ELAVL4: variants seen among roughly 807,000 people sequenced by gnomAD.
ELAVL4 encodes ELAV-like protein 4.
In ELAVL4, 1 loss-of-function variant was observed where a neutral mutation model predicts 35.6. The ratio of observed to expected loss-of-function variants is 0.03; its 90% CI spans 0.01 to 0.13. The LOEUF (loss-of-function observed/expected upper bound fraction) is 0.13, where lower values mean the gene tolerates loss of function less well. Ranked by LOEUF, ELAVL4 falls within the 10% of genes least tolerant of loss-of-function variation. ELAVL4 has a pLI of 1.00. For synonymous variants in ELAVL4, 156 were observed against 171.0 expected, an observed-to-expected ratio of 0.91 and a Z score of 0.69; for missense variants, 267 against 464.9, an observed-to-expected ratio of 0.57 and a Z score of 3.91.
At chr1:50,111,514 T>C (rs1667073918) in intron 1 of ELAVL4, among the ~76,000 whole-genome samples, 1 of 152,152 alleles carries the variant, frequency 6.6e-6, no homozygotes, top group Non-Finnish European at 1.5e-5. Flanking sequence ...CGGATGTTGA[T>C]ACTATAGTTT....
intron 1 of ELAVL4, among the ~76,000 whole-genome samples, chr1:50,097,707 A>C (rs1424226577): frequency 6.6e-6 from 1 of 152,134 alleles, no homozygotes; most frequent in African/African-American, 2.4e-5. Context: ...TACACATGCA[A>C]ATGTGTACAA....
At chr1:50,157,299 C>T (rs764840073) in intron 2 of ELAVL4, among the ~76,000 whole-genome samples, 1 of 152,024 alleles carries the variant, frequency 6.6e-6, no homozygotes, top group Non-Finnish European at 1.5e-5. Context: ...ACTTTTCGCA[C>T]CTTTCTGTGT....
intron 1 of ELAVL4, among the ~76,000 whole-genome samples, chr1:50,098,501 G>A (rs1400347851): frequency 1.3e-5 from 2 of 152,160 alleles, no homozygotes; most frequent in African/African-American, 4.8e-5. Context: ...ATAAGCACTT[G>A]TAGCAAATAA....
intron 2 of ELAVL4, among the ~76,000 whole-genome samples, chr1:50,145,634 G>T (rs989922765): frequency 6.6e-6 from 1 of 152,164 alleles, no homozygotes; most frequent in African/African-American, 2.4e-5. Flanking sequence ...GTGGATGTGT[G>T]GACAGTTGAC....
intron 1 of ELAVL4, among the ~76,000 whole-genome samples, chr1:50,133,007 T>G (rs1173998916): frequency 2.0e-5 from 3 of 152,182 alleles, no homozygotes; most frequent in Non-Finnish European, 4.4e-5. Flanking sequence ...ATACATTTTC[T>G]CACATTATAA....
rs1644383458 is a variant in ELAVL4, at chr1:50,201,296, C to A, written c.*118C>A. 1 of 1,272,458 alleles carries A rather than the reference C, an allele frequency of 7.9e-7. No individual in the cohort carries two copies. The highest frequency in any genetic ancestry group is 1.0e-6 in the Non-Finnish European group (1 of 963,538). The allele number at this position is 1,272,458 out of a possible 1,614,324, so 78.8% of individuals were successfully genotyped here. A position where few individuals can be genotyped will look rare whatever the true frequency, so the allele number is the denominator to read the frequency against. ...CAAACTTTTCAAGGCTTATATTCAA[C>A]CATGGACTTTATAAGCCAGTGTTGC... On this transcript the variant is annotated 3_prime_UTR_variant, in exon 7 of 7. Transcript: ENST00000371824. The surrounding 1 kb of genome is among the most constrained non-coding windows in gnomAD (Gnocchi z 4.3).
At chr1:50,148,637 G>A (rs542125435) in intron 2 of ELAVL4, among the ~76,000 whole-genome samples, 1 of 152,266 alleles carries the variant, frequency 6.6e-6, no homozygotes, top group South Asian at 2.1e-4. Flanking sequence ...GTGTACAGCC[G>A]TGACACATCA....
At chr1:50,054,860 C>T (rs751072099) in intron 1 of ELAVL4, among the ~76,000 whole-genome samples, 8 of 152,144 alleles carry the variant, frequency 5.3e-5, no homozygotes, top group East Asian at 1.9e-4. Context: ...TCAGCCAATA[C>T]GGAGCACTTA....
chr1:50,090,313 T>G (rs1398595724), intron 1 of ELAVL4, among the ~76,000 whole-genome samples: 2 of 152,298 alleles, frequency 1.3e-5, no homozygotes, highest in African/African-American at 4.8e-5. Context: ...TTCCTCTGCA[T>G]TCTCACACTA....
intron 1 of ELAVL4, among the ~76,000 whole-genome samples, chr1:50,075,094 C>G (rs1405207387): frequency 1.3e-5 from 2 of 152,196 alleles, no homozygotes. Flanking sequence ...AATGGAATAA[C>G]AAGGAAGTGA....
intron 2 of ELAVL4, among the ~76,000 whole-genome samples, chr1:50,170,847 A>G (rs1678869615): frequency 6.6e-6 from 1 of 152,150 alleles, no homozygotes; most frequent in Non-Finnish European, 1.5e-5. Flanking sequence ...AGGCTGAGCA[A>G]CAAAACAAGA....
intron 1 of ELAVL4, among the ~76,000 whole-genome samples, chr1:50,062,214 G>A (rs1356980541): frequency 6.6e-6 from 1 of 152,140 alleles, no homozygotes; most frequent in Admixed American, 6.6e-5. Flanking sequence ...ACAATCTTGT[G>A]GAGAAAACAA....
chr1:50,090,446 C>T (rs1174725579), intron 1 of ELAVL4, among the ~76,000 whole-genome samples: 1 of 151,912 alleles, frequency 6.6e-6, no homozygotes, highest in Non-Finnish European at 1.5e-5. Context: ...GACACTTAGT[C>T]TAGTATTGCA....
At chr1:50,163,579 C>A (rs186039103) in intron 2 of ELAVL4, among the ~76,000 whole-genome samples, 1 of 152,176 alleles carries the variant, frequency 6.6e-6, no homozygotes, top group Non-Finnish European at 1.5e-5. Context: ...GTAATACCAG[C>A]ACTTTGGGAG....
chr1:50,073,522 A>C (rs1664625312), intron 1 of ELAVL4, among the ~76,000 whole-genome samples: 1 of 152,158 alleles, frequency 6.6e-6, no homozygotes, highest in Admixed American at 6.5e-5. Context: ...AAGATGCTAA[A>C]TAAGGATTCG....
In ELAVL4 at chr1:50,201,531, C is replaced by A. The variant is rs1644394572; in HGVS notation, c.*353C>A. 2 of 155,594 alleles carry A rather than the reference C, an allele frequency of 1.3e-5. No individual in the cohort carries two copies. Among genetic ancestry groups the A allele is most frequent in the Non-Finnish European group, 2.8e-5 (2 of 70,656 alleles). 9.6% of individuals were successfully genotyped at this position (155,594 alleles called of 1,614,324 possible). ...TTTACTACCTTCCTTGAAGGTGGATCTTTTTAAGATGACCATTCGCTCATT... is the reference window on the plus strand; with the variant it reads ...TTTACTACCTTCCTTGAAGGTGGATATTTTTAAGATGACCATTCGCTCATT... On this transcript the variant is annotated 3_prime_UTR_variant, in exon 7 of 7. Coordinates refer to ENST00000371824, the MANE Select transcript of ELAVL4 (RefSeq NM_001144774.3). The surrounding 1 kb of genome is among the most constrained non-coding windows in gnomAD (Gnocchi z 4.3).
Position 50,109,015 on chromosome 1 carries a change from T to TCGGGGGGGGGGGGGGGGG in ELAVL4, c.-174_-173insGGGGGGGGGGGGGGGGGC. On this transcript the variant is annotated 5_prime_UTR_variant, in exon 1 of 7. Transcript: ENST00000371824. ...GCTCCTTTTCTTTTTTTTCTTTCTC[T>TCGGGGGGGGGGGGGGGGG]CCCCCGCCCACCCCCCCAAAAATAA... 2 of 961,054 alleles carry TCGGGGGGGGGGGGGGGGG rather than the reference T, an allele frequency of 2.1e-6. No individual in the cohort carries two copies. The highest frequency in any genetic ancestry group is 2.4e-6 in the Non-Finnish European group (2 of 816,934). 59.5% of individuals were successfully genotyped at this position (961,054 alleles called of 1,614,324 possible). A position where few individuals can be genotyped will look rare whatever the true frequency, so the allele number is the denominator to read the frequency against.
chr1:50,103,888 C>T, upstream of ELAVL4: 2 of 1,606,432 alleles, frequency 1.2e-6, no homozygotes, highest in Non-Finnish European at 1.7e-6. Context: ...TTCGGAGGGA[C>T]TGGTGTGAAG....
intron 2 of ELAVL4, among the ~76,000 whole-genome samples, chr1:50,154,824 A>G (rs960394624): frequency 4.6e-5 from 7 of 151,210 alleles, no homozygotes; most frequent in East Asian, 1.9e-4. Context: ...GTTTTTTGAC[A>G]TGTCACTTTG....
Sources: gnomAD v4.1 joint callset for allele counts (sites outside exome capture counted in the v4.1 genomes callset) on GRCh38, gnomAD v4.1.1 for gene constraint, Gnocchi (gnomAD v3.1) non-coding constraint, MANE v1.5 for transcripts, NCBI Gene and HGNC (gene_info 2026-07-23, HGNC 2026-07-21) for gene names.